Variants in KLF4 observed in about 807,000 individuals in gnomAD.
KLF4 encodes KLF transcription factor 4.
In KLF4, 14 loss-of-function variants were observed where a neutral mutation model predicts 38.0. That is an observed-to-expected ratio of 0.37 (90% CI 0.24 to 0.58). The LOEUF is 0.58. Among genes scored for constraint, KLF4 ranks in the 20% least tolerant of loss-of-function variants. The pLI, the probability that KLF4 is intolerant of heterozygous loss-of-function variation, is 0.76. For synonymous variants in KLF4, 398 were observed against 302.5 expected (o/e 1.32, Z -3.28); for missense variants, 737 against 670.1 (o/e 1.10, Z -1.10).
Position 107,487,896 on chromosome 9 carries a change from G to C in KLF4, c.498C>G (p.Gly166=). 6.4e-7 allele frequency: 1 copy of C among 1,558,960 alleles called. No homozygotes were observed. Among genetic ancestry groups the C allele is most frequent in the Non-Finnish European group, 8.7e-7 (1 of 1,152,810 alleles). The change falls in exon 3 of 5, where the codon GGC becomes GGG. Residue 166 remains glycine, a synonymous_variant. Coordinates refer to ENST00000374672, the MANE Select transcript of KLF4 (RefSeq NM_004235.6). This position sits in a 1 kb window ranked among gnomAD's most constrained non-coding sequence, Gnocchi z 6.1. ...TGCCATAGAGGAGGCCTCCGCCCGTGCCGCCCGGCGCCACGCCCGGGTCGT... is the reference window on the plus strand; with the variant it reads ...TGCCATAGAGGAGGCCTCCGCCCGTCCCGCCCGGCGCCACGCCCGGGTCGT... ...AGNDPGVAPG[G]TGGGLLYGRE...
At position 107,489,235 on chromosome 9, in the gene KLF4, T is replaced by C; in HGVS notation, c.-63A>G. The C allele has an allele frequency of 7.0e-7, 1 of 1,437,452 alleles. No individual in the cohort carries two copies. 89.0% of individuals were successfully genotyped at this position (1,437,452 alleles called of 1,614,324 possible). A position where few individuals can be genotyped will look rare whatever the true frequency, so the allele number is the denominator to read the frequency against. On this transcript the variant is annotated 5_prime_UTR_variant, in exon 1 of 5. Coordinates refer to ENST00000374672, the MANE Select transcript of KLF4 (RefSeq NM_004235.6). ...CAGCTGGGGCACCTGAACCCCAAAG[T>C]CAACGAAGAGAAGAAACGAAGCCAA...
intron 4 of KLF4, among the ~76,000 whole-genome samples, chr9:107,486,216 A>T (rs917001048): frequency 6.6e-6 from 1 of 152,164 alleles, no homozygotes; most frequent in Non-Finnish European, 1.5e-5. Flanking sequence ...AACCTATACT[A>T]ATGTTTCATT....
In KLF4 at chr9:107,487,728, A is replaced by G; in HGVS notation, c.666T>C (p.Gly222=). 5 of 1,594,656 alleles carry G rather than the reference A, an allele frequency of 3.1e-6. No homozygotes were observed. Among genetic ancestry groups the G allele is most frequent in the Non-Finnish European group, 3.4e-6 (4 of 1,171,484 alleles). Residue 222 remains glycine (G), a synonymous_variant, in exon 3 of 5, where the codon GGT becomes GGC. Transcript: ENST00000374672. The surrounding 1 kb of genome is among the most constrained non-coding windows in gnomAD (Gnocchi z 6.1). ...YIPPQQPQPP[G]GGLMGKFVLK... Reference sequence around the variant, plus strand: ...GCACGAACTTGCCCATCAGCCCGCCACCTGGCGGCTGCGGCTGCTGCGGCG... The same window carrying G: ...GCACGAACTTGCCCATCAGCCCGCCGCCTGGCGGCTGCGGCTGCTGCGGCG...
chr9:107,485,872 G>A lies in KLF4; in HGVS notation c.1319C>T (p.Ser440Leu). The A allele has an allele frequency of 6.2e-7, 1 of 1,612,366 alleles. No homozygotes were observed. The highest frequency in any genetic ancestry group is 8.5e-7 in the Non-Finnish European group (1 of 1,179,502). The change falls in exon 5 of 5, where the codon TCA (serine) becomes TTA (leucine). Residue 440 changes from serine to leucine, a missense_variant. By Grantham distance (145) the Ser-to-Leu change is moderately radical (BLOSUM62 -2). Transcript: ENST00000374672. The surrounding 1 kb of genome is among the most constrained non-coding windows in gnomAD (Gnocchi z 4.9). Reference sequence around the variant, plus strand: ...ACGGTAGTGCCTGGTCAGTTCATCTGAGCGGGCGAATTTCCATCCACAGCC... The same window carrying A: ...ACGGTAGTGCCTGGTCAGTTCATCTAAGCGGGCGAATTTCCATCCACAGCC... The part of the protein sequence containing the change: ...WDGCGWKFAR[S>L]DELTRHYRKH...
In KLF4 at chr9:107,487,757, T is replaced by G. The variant is rs928423219; in HGVS notation, c.637A>C (p.Ile213Leu). ...GGCGGCTGCGGCTGCTGCGGCGGAA[T>G]GTACACCGGGTCCAATTCTGGCCGC... ...LLRPELDPVY[I>L]PPQQPQPPGG... Residue 213 changes from isoleucine (I) to leucine (L), a missense_variant, in exon 3 of 5, where the codon ATT becomes CTT. Transcript: ENST00000374672. This position sits in a 1 kb window ranked among gnomAD's most constrained non-coding sequence, Gnocchi z 6.1. 1 of 1,569,792 alleles carries G rather than the reference T, an allele frequency of 6.4e-7. No individual in the cohort carries two copies. The highest frequency in any genetic ancestry group is 1.9e-5 in the Admixed American group (1 of 53,750).
rs1052109992 is a variant in KLF4 at position 107,489,753 on chromosome 9, C to T, written c.-581G>A. ...GCGCCCGCAGACACGTTCGTTCTCTCTGGTCGGGAAACTGCCGGCCGCCGG... is the reference window on the plus strand; with the variant it reads ...GCGCCCGCAGACACGTTCGTTCTCTTTGGTCGGGAAACTGCCGGCCGCCGG... On this transcript the variant is annotated 5_prime_UTR_variant, in exon 1 of 5. Coordinates refer to ENST00000374672, the MANE Select transcript of KLF4 (RefSeq NM_004235.6). The T allele has an allele frequency of 9.7e-6, 2 of 205,740 alleles. No individual in the cohort carries two copies. The highest frequency in any genetic ancestry group is 4.6e-5 in the African/African-American group (2 of 43,814). 12.7% of individuals were successfully genotyped at this position (205,740 alleles called of 1,614,324 possible). A position where few individuals can be genotyped will look rare whatever the true frequency, so the allele number is the denominator to read the frequency against.
chr9:107,487,981 C>G lies in KLF4; in HGVS notation c.413G>C (p.Ser138Thr). ...ASASSSSSPS[S>T]SGPASAPSTC... The stretch of plus-strand genomic sequence containing the variant: ...GGAGGGCGCGCTGGCAGGGCCGCTG[C>G]TCGACGGCGACGACGAAGAGGAGGC... Residue 138 changes from serine to threonine, a missense_variant, in exon 3 of 5, where the codon AGC becomes ACC. Around this residue, in one of 2 missense-constraint regions of KLF4, gnomAD observed 695 missense variants for 554.5 expected, o/e 1.25. Coordinates refer to ENST00000374672, the MANE Select transcript of KLF4 (RefSeq NM_004235.6). The surrounding 1 kb of genome is among the most constrained non-coding windows in gnomAD (Gnocchi z 6.1). 1 of 1,590,774 alleles carries G rather than the reference C, an allele frequency of 6.3e-7. No individual in the cohort carries two copies. Among genetic ancestry groups the G allele is most frequent in the South Asian group, 1.1e-5 (1 of 88,738 alleles).
rs1471124290 is a variant in KLF4, at chr9:107,487,963, G to A, written c.431C>T (p.Ala144Val). 1.9e-6 allele frequency: 3 copies of A among 1,584,918 alleles called. No homozygotes were observed. Among genetic ancestry groups the A allele is most frequent in the Non-Finnish European group, 2.6e-6 (3 of 1,166,414 alleles). ...ATAGGTGAAGCTGCAGGTGGAGGGCGCGCTGGCAGGGCCGCTGCTCGACGG... is the reference window on the plus strand; with the variant it reads ...ATAGGTGAAGCTGCAGGTGGAGGGCACGCTGGCAGGGCCGCTGCTCGACGG... ...SSPSSSGPAS[A>V]PSTCSFTYPI... The change falls in exon 3 of 5, where the codon GCG becomes GTG. Residue 144 changes from alanine (A) to valine (V), a missense_variant. Around this residue, in one of 2 missense-constraint regions of KLF4, gnomAD observed 695 missense variants for 554.5 expected, o/e 1.25. Transcript: ENST00000374672. This position sits in a 1 kb window ranked among gnomAD's most constrained non-coding sequence, Gnocchi z 6.1.
In KLF4 at chr9:107,488,952, C is replaced by G; in HGVS notation, c.104G>C (p.Arg35Pro). ...CACGTTATTCGGGGCACCTGCTTGA[C>G]GCAGTGTCTTCTCCCTTCCCGCCGG... Reference protein sequence around the residue: ...SGPAGREKTLRQAGAPNNRWR... With the variant: ...SGPAGREKTLPQAGAPNNRWR... The change falls in exon 2 of 5, where the codon CGT becomes CCT. Residue 35 changes from arginine to proline, a missense_variant. By Grantham distance (103) the Arg-to-Pro change is moderately radical. Coordinates refer to ENST00000374672, the MANE Select transcript of KLF4 (RefSeq NM_004235.6). This position sits in a 1 kb window ranked among gnomAD's most constrained non-coding sequence, Gnocchi z 5.7. 1 of 1,560,590 alleles carries G rather than the reference C, an allele frequency of 6.4e-7. No individual in the cohort carries two copies. Among genetic ancestry groups the G allele is most frequent in the Non-Finnish European group, 8.7e-7 (1 of 1,151,884 alleles).
Position 107,488,477 on chromosome 9 carries a change from T to A in KLF4, c.127-210A>T. 1.2e-6 allele frequency: 1 copy of A among 858,406 alleles called. No homozygotes were observed. The highest frequency in any genetic ancestry group is 1.9e-5 in the South Asian group (1 of 53,672). 53.2% of individuals were successfully genotyped at this position (858,406 alleles called of 1,614,324 possible). ...TGATGCGTCTGTATTGCGGGTGTTA[T>A]GTCCTGTCTGCCCAATTGCGTGTGA... is the stretch of plus-strand genomic sequence containing the variant. On this transcript the variant is annotated intron_variant, in intron 2 of 4. Transcript: ENST00000374672. This position sits in a 1 kb window ranked among gnomAD's most constrained non-coding sequence, Gnocchi z 5.7.
At position 107,488,552 on chromosome 9, in the gene KLF4, G is replaced by A. The variant is rs1022845719; in HGVS notation, c.127-285C>T. 4.0e-6 allele frequency: 2 copies of A among 498,232 alleles called. No homozygotes were observed. Among genetic ancestry groups the A allele is most frequent in the East Asian group, 7.1e-5 (2 of 28,192 alleles). The allele number at this position is 498,232 out of a possible 1,614,324, so 30.9% of individuals were successfully genotyped here. On this transcript the variant is annotated intron_variant, in intron 2 of 4. Coordinates refer to ENST00000374672, the MANE Select transcript of KLF4 (RefSeq NM_004235.6). This position sits in a 1 kb window ranked among gnomAD's most constrained non-coding sequence, Gnocchi z 5.7. ...CCCTCCAGGTCCCGTGGACGTCCCC[G>A]GAATTGGCACACCGAGGCTCTCTCG...
chr9:107,488,931 T>C lies in KLF4; in HGVS notation c.125A>G (p.Asn42Ser), dbSNP rs1440911881. ...KTLRQAGAPN[N>S]RWREELSHMK... Reference sequence around the variant, plus strand: ...CCGGCGGCCCGGAGCGATACTCACGTTATTCGGGGCACCTGCTTGACGCAG... The same window carrying C: ...CCGGCGGCCCGGAGCGATACTCACGCTATTCGGGGCACCTGCTTGACGCAG... The change falls in exon 2 of 5, where the codon AAC becomes AGC. Residue 42 changes from asparagine (N) to serine (S), a missense_variant and splice_region_variant. By Grantham distance (46) the Asn-to-Ser change is conservative (BLOSUM62 1). Around this residue, in one of 2 missense-constraint regions of KLF4, gnomAD observed 695 missense variants for 554.5 expected, o/e 1.25. Coordinates refer to ENST00000374672, the MANE Select transcript of KLF4 (RefSeq NM_004235.6). This position sits in a 1 kb window ranked among gnomAD's most constrained non-coding sequence, Gnocchi z 5.7. The C allele has an allele frequency of 1.9e-6, 3 of 1,553,792 alleles. No individual in the cohort carries two copies. In the African/African-American group the frequency reaches 4.1e-5, roughly 21 times the overall value.
In KLF4 at chr9:107,487,794, C is replaced by A; in HGVS notation, c.600G>T (p.Val200=). The change falls in exon 3 of 5, where the codon GTG becomes GTT. Residue 200 remains valine (V), a synonymous_variant. Coordinates refer to ENST00000374672, the MANE Select transcript of KLF4 (RefSeq NM_004235.6). This position sits in a 1 kb window ranked among gnomAD's most constrained non-coding sequence, Gnocchi z 6.1. ...CCAATTCTGGCCGCAGGAGCTCGGC[C>A]ACGAAGCCGCCCGAGGGGCTCACGT... ...INDVSPSGGF[V]AELLRPELDP... 6.5e-7 allele frequency: 1 copy of A among 1,540,094 alleles called. No individual in the cohort carries two copies. Among genetic ancestry groups the A allele is most frequent in the Non-Finnish European group, 8.8e-7 (1 of 1,140,950 alleles).
Position 107,488,960 on chromosome 9 carries a change from C to T in KLF4, c.96G>A (p.Lys32=). ...TCGGGGCACCTGCTTGACGCAGTGT[C>T]TTCTCCCTTCCCGCCGGGCCAGACG... is the stretch of plus-strand genomic sequence containing the variant. ...TFASGPAGRE[K]TLRQAGAPNN... Residue 32 remains lysine, a synonymous_variant, in exon 2 of 5, where the codon AAG becomes AAA. Coordinates refer to ENST00000374672, the MANE Select transcript of KLF4 (RefSeq NM_004235.6). This position sits in a 1 kb window ranked among gnomAD's most constrained non-coding sequence, Gnocchi z 5.7. The T allele has an allele frequency of 6.4e-7, 1 of 1,563,248 alleles. No individual in the cohort carries two copies. The highest frequency in any genetic ancestry group is 8.7e-7 in the Non-Finnish European group (1 of 1,153,312).
Position 107,488,588 on chromosome 9 carries a change from G to C in KLF4, c.127-321C>G. ...ACCGAGGCTCTCTCGGTGCGCTCTC[G>C]CCACGGGGCCGCCTACGCGCTAAAC... On this transcript the variant is annotated intron_variant, in intron 2 of 4. Transcript: ENST00000374672. The surrounding 1 kb of genome is among the most constrained non-coding windows in gnomAD (Gnocchi z 5.7). The C allele has an allele frequency of 2.1e-6, 1 of 487,324 alleles. No individual in the cohort carries two copies. The highest frequency in any genetic ancestry group is 3.6e-6 in the Non-Finnish European group (1 of 276,502). 30.2% of individuals were successfully genotyped at this position (487,324 alleles called of 1,614,324 possible).
rs529351332 is a variant in KLF4 at position 107,486,027 on chromosome 9, T to C, written c.1265-101A>G. On this transcript the variant is annotated intron_variant, in intron 4 of 4. Coordinates refer to ENST00000374672, the MANE Select transcript of KLF4 (RefSeq NM_004235.6). The stretch of plus-strand genomic sequence containing the variant: ...AGATAGTAAACCAACTCTGACCCTA[T>C]CCTAAAGAAATCCAGGAATGTCTTT... The C allele has an allele frequency of 3.4e-5, 34 of 1,009,712 alleles. No homozygotes were observed. The South Asian group carries it at 4.9e-4, about 15-fold the overall frequency. The allele number at this position is 1,009,712 out of a possible 1,614,324, so 62.5% of individuals were successfully genotyped here. A position where few individuals can be genotyped will look rare whatever the true frequency, so the allele number is the denominator to read the frequency against.
Position 107,487,035 on chromosome 9 carries a change from G to T in KLF4, c.1257C>A (p.Thr419=), listed in dbSNP as rs184817671. ...KSSHLKAHLR[T]HTGEKPYHCD... The stretch of plus-strand genomic sequence containing the variant: ...TGCAGTTTGTCCCCCTACCTGTGTG[G>T]GTTCGCAGGTGTGCCTTGAGATGGG... The change falls in exon 4 of 5, where the codon ACC becomes ACA. Residue 419 remains threonine (T), a synonymous_variant. Transcript: ENST00000374672. The surrounding 1 kb of genome is among the most constrained non-coding windows in gnomAD (Gnocchi z 6.1). 3.7e-6 allele frequency: 6 copies of T among 1,614,080 alleles called. No individual in the cohort carries two copies. The South Asian group carries it at 6.6e-5, about 18-fold the overall frequency.
At position 107,485,850 on chromosome 9, in the gene KLF4, G is replaced by A; in HGVS notation, c.1341C>T (p.Tyr447=). Residue 447 remains tyrosine (Y), a synonymous_variant, in exon 5 of 5, where the codon TAC becomes TAT. Transcript: ENST00000374672. This position sits in a 1 kb window ranked among gnomAD's most constrained non-coding sequence, Gnocchi z 4.9. The stretch of plus-strand genomic sequence containing the variant: ...ACGGGCGGTGCCCCGTGTGTTTACG[G>A]TAGTGCCTGGTCAGTTCATCTGAGC... The part of the protein sequence containing the change: ...FARSDELTRH[Y]RKHTGHRPFQ... The A allele has an allele frequency of 6.2e-7, 1 of 1,612,794 alleles. No homozygotes were observed. Among genetic ancestry groups the A allele is most frequent in the Non-Finnish European group, 8.5e-7 (1 of 1,179,620 alleles).
chr9:107,486,621 G>T (rs1158076233), intron 4 of KLF4, among the ~76,000 whole-genome samples: 2 of 151,978 alleles, frequency 1.3e-5, no homozygotes, highest in African/African-American at 4.8e-5. Context: ...GGTGAACCTG[G>T]GAAGGGAACA....
Sources: gnomAD v4.1 joint callset for allele counts (sites outside exome capture counted in the v4.1 genomes callset) on GRCh38, gnomAD v4.1.1 for gene constraint, gnomAD v4.1.1 regional missense constraint, Gnocchi (gnomAD v3.1) non-coding constraint, MANE v1.5 for transcripts, NCBI Gene and HGNC (gene_info 2026-07-23, HGNC 2026-07-21) for gene names.